The following SULT2B1 variants were observed in gnomAD, a reference collection of about 807,000 sequenced individuals.
The protein encoded by SULT2B1 is sulfotransferase family 2B member 1.
A neutral mutation model predicts 33.2 loss-of-function variants in SULT2B1; 16 were observed. That is an observed-to-expected ratio of 0.48 (90% CI 0.33 to 0.73). The LOEUF (loss-of-function observed/expected upper bound fraction) is 0.73. Among genes scored for constraint, SULT2B1 ranks in the 30% least tolerant of loss-of-function variants. SULT2B1 has a pLI of 0.02. For missense variants in SULT2B1, 500 were observed against 506.0 expected (o/e 0.99, Z 0.11); for synonymous variants, 186 against 200.5 (o/e 0.93, Z 0.61).
intron 1 of SULT2B1, among the ~76,000 whole-genome samples, chr19:48,573,016 G>T (rs1973350353): frequency 6.6e-6 from 1 of 151,954 alleles, no homozygotes; most frequent in South Asian, 2.1e-4. Flanking sequence ...AATCAGTTGG[G>T]CGTGACGACA....
chr19:48,566,420 G>A lies in SULT2B1; in HGVS notation c.72-9521G>A, dbSNP rs76895904. On this transcript the variant is annotated intron_variant, in intron 1 of 6. Coordinates refer to ENST00000201586, the MANE Select transcript of SULT2B1 (RefSeq NM_177973.2). ...CATTTTGAGAAATATATGTACGGCT[G>A]GGCACAATGGCTCATGCCTGTAAAG... Among the ~76,000 whole-genome samples, 851 of 152,234 alleles carry A rather than the reference G, an allele frequency of 5.6e-3. 22 individuals are homozygous for A. The highest frequency in any genetic ancestry group is 0.036 in the East Asian group (186 of 5,166).
At chr19:48,586,971 G>A (rs962702165) in intron 2 of SULT2B1, among the ~76,000 whole-genome samples, 7 of 152,072 alleles carry the variant, frequency 4.6e-5, no homozygotes, top group Admixed American at 2.0e-4. Context: ...TTAGCCAGGC[G>A]TGGTGGTGGG....
At chr19:48,553,469 G>A (rs1265224646) in intron 1 of SULT2B1, among the ~76,000 whole-genome samples, 1 of 152,068 alleles carries the variant, frequency 6.6e-6, no homozygotes, top group Admixed American at 6.6e-5. Context: ...CACCATGCCC[G>A]GCTAATTTTA....
At chr19:48,591,928 G>A (rs191936851) in intron 4 of SULT2B1, among the ~76,000 whole-genome samples, 193 bp downstream of exon 4, 13 of 152,202 alleles carry the variant, frequency 8.5e-5, no homozygotes, top group African/African-American at 3.1e-4. Flanking sequence ...GAAAGACACA[G>A]GACAGGCAAA....
rs932825573 is a variant in SULT2B1, at chr19:48,592,909, C to T, written c.645+93C>T. 7.2e-4 allele frequency: 797 copies of T among 1,110,968 alleles called. 6 individuals are homozygous for T. Among genetic ancestry groups the T allele is most frequent in the African/African-American group, 1.9e-4 (12 of 64,632 alleles). The allele number at this position is 1,110,968 out of a possible 1,614,324, so 68.8% of individuals were successfully genotyped here. On this transcript the variant is annotated intron_variant, in intron 5 of 6. Coordinates refer to ENST00000201586, the MANE Select transcript of SULT2B1 (RefSeq NM_177973.2). ...CTTCCCGAGGGTCTCAGGACCCCTC[C>T]GCTTCCCCATGCAATGCGCCAGCCC...
chr19:48,573,599 A>T (rs1973360455), intron 1 of SULT2B1, among the ~76,000 whole-genome samples: 1 of 152,046 alleles, frequency 6.6e-6, no homozygotes, highest in Non-Finnish European at 1.5e-5. Context: ...GAGCGGGAAC[A>T]GCAGCTCCAG....
In SULT2B1 at chr19:48,599,388, G is replaced by A. The variant is rs753531401; in HGVS notation, c.1080G>A (p.Pro360=). ...SPSPGQASET[P]HPRPS ...GCCCCGGCCAGGCCTCTGAGACCCC[G>A]CACCCACGACCCTCATAATAAACAC... The change falls in exon 7 of 7, where the codon CCG becomes CCA. Residue 360 remains proline, a synonymous_variant. Coordinates refer to ENST00000201586, the MANE Select transcript of SULT2B1 (RefSeq NM_177973.2). The surrounding 1 kb of genome is among the most constrained non-coding windows in gnomAD (Gnocchi z 4.1). 8.4e-6 allele frequency: 13 copies of A among 1,555,424 alleles called. No homozygotes were observed. The Admixed American group carries it at 9.8e-5, about 12-fold the overall frequency.
intron 5 of SULT2B1, among the ~76,000 whole-genome samples, chr19:48,595,352 G>A (rs1973696492): frequency 6.6e-6 from 1 of 152,082 alleles, no homozygotes; most frequent in African/African-American, 2.4e-5. Context: ...CTCTGGCTGT[G>A]TGGCCTTGGA....
chr19:48,571,211 A>ATTTATTTATTTAT (rs36014830), intron 1 of SULT2B1, among the ~76,000 whole-genome samples: 17,675 of 143,848 alleles, frequency 0.12, 1,283 homozygotes, highest in Non-Finnish European at 0.15. Flanking sequence ...TTATTTATTT[A>ATTTATTTATTTAT]TTTTGAGATG....
At chr19:48,591,522 G>A in intron 3 of SULT2B1, 87 bp from the exon 4 acceptor site, 1 of 1,453,574 alleles carries the variant, frequency 6.9e-7, no homozygotes, top group Non-Finnish European at 9.2e-7. Flanking sequence ...GGTCAGAAGA[G>A]AGGGGTCTCC....
intron 1 of SULT2B1, among the ~76,000 whole-genome samples, chr19:48,571,781 G>A (rs184472728): frequency 6.6e-6 from 1 of 152,248 alleles, no homozygotes; most frequent in African/African-American, 2.4e-5. Context: ...GGTAGGCAGA[G>A]CAGGGGAAGA....
At chr19:48,554,147 G>C (rs1231761994) in intron 1 of SULT2B1, among the ~76,000 whole-genome samples, 1 of 151,548 alleles carries the variant, frequency 6.6e-6, no homozygotes, top group African/African-American at 2.4e-5. Flanking sequence ...GCAGAGCCCT[G>C]GGGGGGTGCC....
chr19:48,593,488 G>C (rs1450459880), intron 5 of SULT2B1, among the ~76,000 whole-genome samples: 1 of 151,772 alleles, frequency 6.6e-6, no homozygotes. Flanking sequence ...GGAGGTGGAG[G>C]TTGCAGTGGG....
intron 1 of SULT2B1, among the ~76,000 whole-genome samples, chr19:48,569,365 T>A (rs1362044432): frequency 0.037 from 252 of 6,824 alleles, 4 homozygotes; most frequent in African/African-American, 0.11. Flanking sequence ...AAAAAAAACA[T>A]ATATATATAT....
At chr19:48,570,236 A>G (rs1161179948) in intron 1 of SULT2B1, among the ~76,000 whole-genome samples, 1 of 148,360 alleles carries the variant, frequency 6.7e-6, no homozygotes, top group African/African-American at 2.5e-5. Flanking sequence ...CTGGAGTGCA[A>G]TGGCGCGATC....
intron 2 of SULT2B1, among the ~76,000 whole-genome samples, chr19:48,577,324 G>T (rs1250926425): frequency 7.2e-6 from 1 of 138,216 alleles, no homozygotes; most frequent in Non-Finnish European, 1.5e-5. Context: ...CAAAGTGTTG[G>T]GATTACAGGT....
intron 1 of SULT2B1, among the ~76,000 whole-genome samples, chr19:48,568,213 G>A (rs539121904): frequency 1.7e-4 from 25 of 151,238 alleles, no homozygotes; most frequent in Admixed American, 1.5e-3. Flanking sequence ...CCGGAGGGTG[G>A]AGGTCGAGGG....
intron 1 of SULT2B1, among the ~76,000 whole-genome samples, chr19:48,574,814 CTAAT>C (rs1973381247): frequency 1.3e-5 from 2 of 152,190 alleles, no homozygotes; most frequent in Admixed American, 1.3e-4. Flanking sequence ...CTCCTGAAAA[CTAAT>C]TACCTCACTG....
rs781146722 is a variant in SULT2B1, at chr19:48,591,732, G to A, written c.547G>A (p.Glu183Lys). 1.1e-5 allele frequency: 18 copies of A among 1,589,024 alleles called. No individual in the cohort carries two copies. The highest frequency in any genetic ancestry group is 1.7e-4 in the Middle Eastern group (1 of 6,034). ...DQFLRDFLKG[E>K]VQFGSWFDHI... ...GTTCCTGAGGGACTTCCTCAAAGGC[G>A]AAGGTGGGGACAGGGTAAAGCGGGG... The change falls in exon 4 of 7, where the codon GAA becomes AAA. Residue 183 changes from glutamate (E) to lysine (K), a missense_variant. Physicochemically the swap from Glu to Lys is moderately conservative, Grantham distance 56. Coordinates refer to ENST00000201586, the MANE Select transcript of SULT2B1 (RefSeq NM_177973.2).
Sources: gnomAD v4.1 joint callset for allele counts (sites outside exome capture counted in the v4.1 genomes callset) on GRCh38, gnomAD v4.1.1 for gene constraint, Gnocchi (gnomAD v3.1) non-coding constraint, MANE v1.5 for transcripts, NCBI Gene and HGNC (gene_info 2026-07-23, HGNC 2026-07-21) for gene names.